The following RGS21 variants were observed in gnomAD, a reference collection of about 807,000 sequenced individuals.
The protein encoded by RGS21 is regulator of G protein signaling 21, also known as regulator of G-protein signalling 21.
Under a neutral mutation model 18.7 loss-of-function variants are expected in RGS21, and 19 were observed. The observed-to-expected ratio is 1.01, with a 90% CI of 0.71 to 1.49. The LOEUF (loss-of-function observed/expected upper bound fraction) is 1.49, where lower values mean the gene tolerates loss of function less well. Among genes scored for constraint, RGS21 ranks in the 40% most tolerant of loss-of-function variants. RGS21 has a pLI of 0.00. For synonymous variants in RGS21, 56 were observed against 57.8 expected, an observed-to-expected ratio of 0.97 and a Z score of 0.14; for missense variants, 194 against 176.8, an observed-to-expected ratio of 1.10 and a Z score of -0.55.
At chr1:192,323,121 T>C (rs977621528) in intron 1 of RGS21, among the ~76,000 whole-genome samples, 2 of 152,098 alleles carry the variant, frequency 1.3e-5, no homozygotes, top group Non-Finnish European at 2.9e-5. Context: ...ACACAAAGGA[T>C]GAGGAAGATG....
chr1:192,359,272 T>C (rs542694018), intron 4 of RGS21, among the ~76,000 whole-genome samples: 3 of 151,868 alleles, frequency 2.0e-5, no homozygotes, highest in South Asian at 4.2e-4. Context: ...TGTGGCACTG[T>C]TTTTTTTGGT....
chr1:192,343,054 T>C lies in RGS21; in HGVS notation c.11+7T>C, dbSNP rs753794217. On this transcript the variant is annotated splice_region_variant and intron_variant, in intron 2 of 4. Transcript: ENST00000417209. ...AACGAAAAATGCCAGTGAAGTGAGT[T>C]GCCGTTTCCAGCTATTTTTATCTCA... is the stretch of plus-strand genomic sequence containing the variant. The C allele has an allele frequency of 6.2e-7, 1 of 1,612,510 alleles. No homozygotes were observed.
At chr1:192,339,231 A>G (rs1280033993) in intron 1 of RGS21, among the ~76,000 whole-genome samples, 2 of 152,014 alleles carry the variant, frequency 1.3e-5, no homozygotes, top group African/African-American at 4.8e-5. Context: ...TTTTTAAAAA[A>G]AAAGAACATT....
At chr1:192,326,247 TA>T (rs1658566959) in intron 1 of RGS21, among the ~76,000 whole-genome samples, 1 of 152,094 alleles carries the variant, frequency 6.6e-6, no homozygotes. Context: ...AAAGTTATTT[TA>T]AAATACATTA....
At chr1:192,342,176 A>C (rs929151407) in intron 1 of RGS21, among the ~76,000 whole-genome samples, 1 of 152,188 alleles carries the variant, frequency 6.6e-6, no homozygotes, top group African/African-American at 2.4e-5. Context: ...CAATCTTTCA[A>C]GAGTTTTTAA....
Position 192,366,392 on chromosome 1 carries a change from T to G in RGS21, c.*268T>G. The G allele has an allele frequency of 3.6e-6, 1 of 277,118 alleles. No homozygotes were observed. Among genetic ancestry groups the G allele is most frequent in the Non-Finnish European group, 6.8e-6 (1 of 147,260 alleles). The allele number at this position is 277,118 out of a possible 1,614,324, so 17.2% of individuals were successfully genotyped here. Reference sequence around the variant, plus strand: ...GTCTTAAACCAAAACTGAATATTCTTATTATATTATAATGTAAGGAATTAT... The same window carrying G: ...GTCTTAAACCAAAACTGAATATTCTGATTATATTATAATGTAAGGAATTAT... On this transcript the variant is annotated 3_prime_UTR_variant, in exon 5 of 5. Coordinates refer to ENST00000417209, the MANE Select transcript of RGS21 (RefSeq NM_001039152.3).
intron 4 of RGS21, among the ~76,000 whole-genome samples, chr1:192,365,006 C>T (rs1659234793): frequency 6.6e-6 from 1 of 151,804 alleles, no homozygotes; most frequent in African/African-American, 2.4e-5. Flanking sequence ...CATGGTGGAG[C>T]ACACCTGTAA....
At chr1:192,332,075 A>T (rs1658665666) in intron 1 of RGS21, among the ~76,000 whole-genome samples, 1 of 152,270 alleles carries the variant, frequency 6.6e-6, no homozygotes, top group East Asian at 1.9e-4. Flanking sequence ...TTCATAATCT[A>T]ACTGATAAGC....
intron 2 of RGS21, among the ~76,000 whole-genome samples, chr1:192,346,297 C>T (rs923919417): frequency 6.6e-6 from 1 of 152,016 alleles, no homozygotes; most frequent in African/African-American, 2.4e-5. Context: ...GGAAGTAATA[C>T]AAAAGCATAG....
intron 1 of RGS21, among the ~76,000 whole-genome samples, chr1:192,319,518 C>A (rs552305501): frequency 6.6e-6 from 1 of 152,048 alleles, no homozygotes; most frequent in African/African-American, 2.4e-5. Flanking sequence ...GAGAGAAATA[C>A]CTGAGTAATC....
chr1:192,346,165 T>G (rs1041722913), intron 2 of RGS21, among the ~76,000 whole-genome samples: 6 of 152,110 alleles, frequency 3.9e-5, no homozygotes, highest in African/African-American at 1.4e-4. Flanking sequence ...TTAGCTACAG[T>G]GTCCTCTCTA....
At chr1:192,345,964 G>C (rs973838202) in intron 2 of RGS21, among the ~76,000 whole-genome samples, 13 of 151,784 alleles carry the variant, frequency 8.6e-5, no homozygotes, top group Admixed American at 8.6e-4. Flanking sequence ...ATTTATGAAA[G>C]ACAGAAACTG....
intron 4 of RGS21, among the ~76,000 whole-genome samples, chr1:192,361,884 TA>T (rs1659192236): frequency 6.6e-6 from 1 of 151,970 alleles, no homozygotes; most frequent in Non-Finnish European, 1.5e-5. Context: ...TTGAATATAA[TA>T]AAAAGGAAAT....
intron 1 of RGS21, among the ~76,000 whole-genome samples, chr1:192,328,040 A>T (rs1235904164): frequency 1.3e-5 from 2 of 152,208 alleles, no homozygotes; most frequent in African/African-American, 4.8e-5. Context: ...TTGAGGAGTA[A>T]AATCCATGTA....
At chr1:192,363,522 T>C (rs192149723) in intron 4 of RGS21, among the ~76,000 whole-genome samples, 31 of 152,290 alleles carry the variant, frequency 2.0e-4, no homozygotes, top group African/African-American at 7.0e-4. Context: ...CTATAGTAGA[T>C]GTTTAAAAAC....
intron 1 of RGS21, among the ~76,000 whole-genome samples, chr1:192,337,662 C>G (rs768458881): frequency 4.3e-4 from 65 of 152,120 alleles, no homozygotes; most frequent in South Asian, 8.3e-4. Context: ...GATTATTTAT[C>G]TTTGTGTTCT....
At chr1:192,318,182 A>G (rs948359654) in intron 1 of RGS21, among the ~76,000 whole-genome samples, 7 of 152,152 alleles carry the variant, frequency 4.6e-5, no homozygotes, top group African/African-American at 1.7e-4. Flanking sequence ...TTATCTAAAA[A>G]AAACCTAGTC....
intron 1 of RGS21, among the ~76,000 whole-genome samples, chr1:192,321,352 A>G (rs1658496180): frequency 6.6e-6 from 1 of 151,986 alleles, no homozygotes; most frequent in Admixed American, 6.6e-5. Flanking sequence ...AAATGATCTA[A>G]TTTATAATTA....
At chr1:192,343,903 A>T (rs960025277) in intron 2 of RGS21, among the ~76,000 whole-genome samples, 2 of 152,082 alleles carry the variant, frequency 1.3e-5, no homozygotes, top group Non-Finnish European at 2.9e-5. Flanking sequence ...CAGATAGCAC[A>T]TATCAAGTAA....
Sources: gnomAD v4.1 joint callset for allele counts (sites outside exome capture counted in the v4.1 genomes callset) on GRCh38, gnomAD v4.1.1 for gene constraint, MANE v1.5 for transcripts, NCBI Gene and HGNC (gene_info 2026-07-23, HGNC 2026-07-21) for gene names.